Variants in MMP13 observed in about 807,000 individuals in gnomAD.
MMP13 encodes collagenase 3.
A neutral mutation model predicts 52.1 loss-of-function variants in MMP13; 45 were observed. The observed-to-expected ratio is 0.86, with a 90% CI of 0.68 to 1.11. The LOEUF (loss-of-function observed/expected upper bound fraction) is 1.11. MMP13 is among the 50% of genes least tolerant of loss of function. The pLI, the probability that MMP13 is intolerant of heterozygous loss-of-function variation, is 0.00. For missense variants in MMP13, 576 were observed against 583.8 expected, an observed-to-expected ratio of 0.99 and a Z score of 0.14; for synonymous variants, 200 against 204.4, an observed-to-expected ratio of 0.98 and a Z score of 0.18.
chr11:102,945,890 T>G, intron 8 of MMP13, 141 bp from the exon 9 acceptor site: 1 of 588,310 alleles, frequency 1.7e-6, no homozygotes, highest in Non-Finnish European at 3.0e-6. Flanking sequence ...TGGTAGCTTT[T>G]TAAAATTAGG....
chr11:102,949,989 CCTGCCCATTTTTA>C lies in MMP13; in HGVS notation c.917+108_917+120del. The stretch of plus-strand genomic sequence containing the variant: ...TGATCTGAAATATGTAAATAAACTG[CCTGCCCATTTTTA>C]CTGCTAACTTCGCCTTTGGAAGTCT... On this transcript the variant is annotated intron_variant, in intron 6 of 9. Coordinates refer to ENST00000260302, the MANE Select transcript of MMP13 (RefSeq NM_002427.4). The surrounding 1 kb of genome is among the most constrained non-coding windows in gnomAD (Gnocchi z 4.2). The C allele has an allele frequency of 1.2e-6, 1 of 811,030 alleles. No individual in the cohort carries two copies. The highest frequency in any genetic ancestry group is 2.2e-6 in the Non-Finnish European group (1 of 451,042). 50.2% of individuals were successfully genotyped at this position (811,030 alleles called of 1,614,324 possible).
In MMP13 at chr11:102,950,217, A is replaced by G; in HGVS notation, c.810T>C (p.Asp270=). The G allele has an allele frequency of 6.2e-7, 1 of 1,613,016 alleles. No individual in the cohort carries two copies. The highest frequency in any genetic ancestry group is 1.1e-5 in the South Asian group (1 of 91,072). Residue 270 remains aspartate, a synonymous_variant, in exon 6 of 10, where the codon GAT becomes GAC. Transcript: ENST00000260302. ...QGIQSLYGPG[D]EDPNPKHPKT... ...TTGGATGTTTAGGGTTGGGGTCTTC[A>G]TCTCCTGGACCTGTAGTCGTGAAAG...
At position 102,955,664 on chromosome 11, in the gene MMP13, C is replaced by G. The variant is rs774417428; in HGVS notation, c.42G>C (p.Trp14Cys). The G allele has an allele frequency of 2.5e-6, 4 of 1,613,958 alleles. No individual in the cohort carries two copies. The South Asian group carries it at 4.4e-5, about 18-fold the overall frequency. Reference protein sequence around the residue: ...GVLAAFLFLSWTHCRALPLPS... With the variant: ...GVLAAFLFLSCTHCRALPLPS... ...GAAGGGGCAGGGCCCGACAATGAGT[C>G]CAGCTCAAGAAGAGGAAGGCAGCCA... Residue 14 changes from tryptophan (W) to cysteine (C), a missense_variant, in exon 1 of 10, where the codon TGG (tryptophan) becomes TGC (cysteine). By Grantham distance (215) the Trp-to-Cys change is radical. Coordinates refer to ENST00000260302, the MANE Select transcript of MMP13 (RefSeq NM_002427.4). This position sits in a 1 kb window ranked among gnomAD's most constrained non-coding sequence, Gnocchi z 4.9.
At chr11:102,945,796 G>A in intron 8 of MMP13, 47 bp from the exon 9 acceptor site, 9 of 995,152 alleles carry the variant, frequency 9.0e-6, no homozygotes, top group Non-Finnish European at 1.4e-5. Flanking sequence ...TTCTTAGAAA[G>A]TACCTTAGAA....
intron 8 of MMP13, among the ~76,000 whole-genome samples, chr11:102,946,361 T>C (rs975834907): frequency 3.3e-5 from 5 of 152,164 alleles, no homozygotes; most frequent in African/African-American, 1.2e-4. Context: ...GCCACTACTG[T>C]TACTGATGAG....
chr11:102,950,080 A>T, intron 6 of MMP13, 30 bp downstream of exon 6: 1 of 1,553,556 alleles, frequency 6.4e-7, no homozygotes, highest in Non-Finnish European at 8.9e-7. Context: ...TTTGTCGCAT[A>T]CAGACTTTAT....
At chr11:102,948,106 T>C in intron 7 of MMP13, 56 bp from the exon 8 acceptor site, 1 of 1,474,140 alleles carries the variant, frequency 6.8e-7, no homozygotes. Flanking sequence ...AGGACTTACA[T>C]ATATAGACAT....
At chr11:102,954,022 C>T in intron 4 of MMP13, 134 bp downstream of exon 4, 1 of 1,020,016 alleles carries the variant, frequency 9.8e-7, no homozygotes, top group Non-Finnish European at 1.4e-6. Flanking sequence ...ACTAATACAT[C>T]TAAGATAAAC....
At position 102,955,164 on chromosome 11, in the gene MMP13, A is replaced by G. The variant is rs1860675753; in HGVS notation, c.362+88T>C. On this transcript the variant is annotated intron_variant, in intron 2 of 9. Coordinates refer to ENST00000260302, the MANE Select transcript of MMP13 (RefSeq NM_002427.4). This position sits in a 1 kb window ranked among gnomAD's most constrained non-coding sequence, Gnocchi z 4.9. Reference sequence around the variant, plus strand: ...AAGCTATTCTGGAATTTAACTGCCAATTAAATAATAAGGCCTACTTAATAT... The same window carrying G: ...AAGCTATTCTGGAATTTAACTGCCAGTTAAATAATAAGGCCTACTTAATAT... The G allele has an allele frequency of 1.4e-6, 2 of 1,465,320 alleles. No homozygotes were observed. Among genetic ancestry groups the G allele is most frequent in the African/African-American group, 2.8e-5 (2 of 71,674 alleles). The allele number at this position is 1,465,320 out of a possible 1,614,324, so 90.8% of individuals were successfully genotyped here.
At chr11:102,948,988 C>T (rs1555016994) in intron 7 of MMP13, 37 bp downstream of exon 7, 4 of 1,612,688 alleles carry the variant, frequency 2.5e-6, no homozygotes, top group African/African-American at 1.3e-5. Context: ...ACTGCCTCCC[C>T]TGGTCTTGTG....
rs1388742033 is a variant in MMP13, at chr11:102,949,880, CTG to C, written c.917+228_917+229del. Among the ~76,000 whole-genome samples, 1 of 152,136 alleles carries C rather than the reference CTG, an allele frequency of 6.6e-6. No homozygotes were observed. The highest frequency in any genetic ancestry group is 1.5e-5 in the Non-Finnish European group (1 of 68,014). ...TTCTTGGTTATATTTATAAGAAAGA[CTG>C]TAACTAGAGATGTAAAAGGAAGCTA... On this transcript the variant is annotated intron_variant, in intron 6 of 9. Transcript: ENST00000260302. This position sits in a 1 kb window ranked among gnomAD's most constrained non-coding sequence, Gnocchi z 4.2.
Position 102,950,227 on chromosome 11 carries a change from C to T in MMP13, c.800G>A (p.Gly267Asp). 1.2e-6 allele frequency: 2 copies of T among 1,609,012 alleles called. No homozygotes were observed. The highest frequency in any genetic ancestry group is 1.7e-6 in the Non-Finnish European group (2 of 1,175,490). Residue 267 changes from glycine to aspartate, a missense_variant and splice_region_variant, in exon 6 of 10, where the codon GGT (glycine) becomes GAT (aspartate). Coordinates refer to ENST00000260302, the MANE Select transcript of MMP13 (RefSeq NM_002427.4). Reference protein sequence around the residue: ...DDVQGIQSLYGPGDEDPNPKH... With the variant: ...DDVQGIQSLYDPGDEDPNPKH... The stretch of plus-strand genomic sequence containing the variant: ...AGGGTTGGGGTCTTCATCTCCTGGA[C>T]CTGTAGTCGTGAAAGGCAAGAGAGA...
Position 102,955,409 on chromosome 11 carries a change from G to T in MMP13, c.205C>A (p.Arg69=), listed in dbSNP as rs1860681189. 6.2e-7 allele frequency: 1 copy of T among 1,613,972 alleles called. No homozygotes were observed. The change falls in exon 2 of 10, where the codon CGA becomes AGA. Residue 69 remains arginine (R), a synonymous_variant. Transcript: ENST00000260302. This position sits in a 1 kb window ranked among gnomAD's most constrained non-coding sequence, Gnocchi z 4.9. ...NAASSMTERL[R]EMQSFFGLEV... is the part of the protein sequence containing the mutation. ...AAGCCGAAGAAAGACTGCATTTCTC[G>T]GAGCCTCTCAGTCATGGAGCTTGCT...
rs782433681 is a variant in MMP13, at chr11:102,950,105, A to G, written c.917+5T>C. 30 of 1,591,816 alleles carry G rather than the reference A, an allele frequency of 1.9e-5. 1 individual carries two copies. In the Middle Eastern group the frequency reaches 8.3e-4, roughly 44 times the overall value. ...ACAGACTTTATGAAAGAATCTCAAG[A>G]GTACCTGTCTTTAAAGATCATTGTT... On this transcript the variant is annotated splice_donor_5th_base_variant and intron_variant, in intron 6 of 9. Transcript: ENST00000260302.
chr11:102,953,118 C>T (rs958658958), intron 4 of MMP13, among the ~76,000 whole-genome samples: 1 of 152,130 alleles, frequency 6.6e-6, no homozygotes, highest in African/African-American at 2.4e-5. Flanking sequence ...ATGGATACCC[C>T]TCTTGGCCTT....
chr11:102,947,843 C>G (rs1359658701), intron 8 of MMP13, 48 bp downstream of exon 8: 1 of 1,603,610 alleles, frequency 6.2e-7, no homozygotes, highest in Non-Finnish European at 8.5e-7. Context: ...ATGTTTGAGG[C>G]ACTTTGCGGC....
At chr11:102,953,581 C>T (rs1345749433) in intron 4 of MMP13, among the ~76,000 whole-genome samples, 1 of 152,130 alleles carries the variant, frequency 6.6e-6, no homozygotes, top group African/African-American at 2.4e-5. Context: ...CATTCAGTTT[C>T]ATTTTGCTCT....
chr11:102,953,844 A>C (rs1860651007), intron 4 of MMP13, among the ~76,000 whole-genome samples: 1 of 152,186 alleles, frequency 6.6e-6, no homozygotes, highest in Non-Finnish European at 1.5e-5. Context: ...TACTTCCTCA[A>C]CATGCCAAAA....
intron 2 of MMP13, 119 bp from the exon 3 acceptor site, chr11:102,954,725 A>C: frequency 3.0e-6 from 3 of 1,001,008 alleles, no homozygotes; most frequent in Non-Finnish European, 4.6e-6. Context: ...AAGTTCTACT[A>C]GAGGTTTATT....
Sources: gnomAD v4.1 joint callset for allele counts (sites outside exome capture counted in the v4.1 genomes callset) on GRCh38, gnomAD v4.1.1 for gene constraint, Gnocchi (gnomAD v3.1) non-coding constraint, MANE v1.5 for transcripts, NCBI Gene and HGNC (gene_info 2026-07-23, HGNC 2026-07-21) for gene names.